CHD7: variants seen among roughly 807,000 people sequenced by gnomAD.
CHD7 encodes the protein ATP-dependent chromatin remodeler CHD7.
Under a neutral mutation model 307.3 loss-of-function variants are expected in CHD7, and 24 were observed. That is an observed-to-expected ratio of 0.08 (90% CI 0.06 to 0.11). The LOEUF is 0.11. Ranked by LOEUF, CHD7 falls within the 10% of genes least tolerant of loss-of-function variation. The probability of loss-of-function intolerance (pLI) is 1.00; values close to 1 mark genes in which losing one functional copy is unlikely to be tolerated. For synonymous variants in CHD7, 1,363 were observed against 1,349.9 expected (o/e 1.01, Z -0.21); for missense variants, 3,106 against 3,727.1 (o/e 0.83, Z 4.34).
intron 2 of CHD7, among the ~76,000 whole-genome samples, chr8:60,778,162 GT>G (rs1811043809): frequency 6.6e-6 from 1 of 152,056 alleles, no homozygotes; most frequent in Admixed American, 6.5e-5. Context: ...GGAGCTCCAG[GT>G]TTTTTTCCCC....
At chr8:60,794,063 A>G (rs547014801) in intron 3 of CHD7, among the ~76,000 whole-genome samples, 1 of 152,282 alleles carries the variant, frequency 6.6e-6, no homozygotes, top group Admixed American at 6.5e-5. Context: ...CGGAGGTTGC[A>G]GTGAGCCAAG....
chr8:60,837,381 C>G (rs1188096547), intron 17 of CHD7, among the ~76,000 whole-genome samples: 1 of 152,138 alleles, frequency 6.6e-6, no homozygotes, highest in Admixed American at 6.5e-5. Context: ...AGTCCAAAAT[C>G]AGAGTGCCAG....
In CHD7 at chr8:60,721,759, C is replaced by T. The variant is rs548253666; in HGVS notation, c.-174-19500C>T. 1.3e-4 allele frequency among the ~76,000 whole-genome samples: 20 copies of T among 152,306 alleles called. 1 individual carries two copies. The highest frequency in any genetic ancestry group is 6.5e-5 in the Admixed American group (1 of 15,298). ...AGAACCACTGGTTTAGATGGTGTGT[C>T]GGAGAGGCTTCAGGCAAGCGCTGGG... is the stretch of plus-strand genomic sequence containing the variant. On this transcript the variant is annotated intron_variant, in intron 1 of 37. Coordinates refer to ENST00000423902, the MANE Select transcript of CHD7 (RefSeq NM_017780.4).
intron 2 of CHD7, among the ~76,000 whole-genome samples, chr8:60,770,601 T>C (rs1563585604): frequency 6.6e-6 from 1 of 152,240 alleles, no homozygotes; most frequent in Non-Finnish European, 1.5e-5. Context: ...ATCAGGAACC[T>C]TTAATATTGC....
At chr8:60,703,459 G>A (rs1806868323) in intron 1 of CHD7, among the ~76,000 whole-genome samples, 1 of 152,142 alleles carries the variant, frequency 6.6e-6, no homozygotes, top group Admixed American at 6.5e-5. Context: ...GATAGGAAAT[G>A]AGAGAAGAAA....
intron 2 of CHD7, among the ~76,000 whole-genome samples, chr8:60,758,749 A>G (rs1256652677): frequency 6.6e-6 from 1 of 152,072 alleles, no homozygotes; most frequent in Non-Finnish European, 1.5e-5. Context: ...CAGTTGCGCG[A>G]GCGCTCTTCT....
intron 1 of CHD7, among the ~76,000 whole-genome samples, chr8:60,687,098 ATCTG>A (rs1223701695): frequency 6.6e-6 from 1 of 152,190 alleles, no homozygotes; most frequent in Non-Finnish European, 1.5e-5. Flanking sequence ...CATTTTAGAA[ATCTG>A]TCTGTTGATA....
At chr8:60,862,493 C>T in intron 36 of CHD7, 55 bp from the exon 37 acceptor site, 1 of 1,506,414 alleles carries the variant, frequency 6.6e-7, no homozygotes, top group Non-Finnish European at 9.0e-7. Flanking sequence ...AGTAGATTAA[C>T]AGAAAGGGGA....
At chr8:60,843,409 A>G (rs1015935969) in intron 21 of CHD7, among the ~76,000 whole-genome samples, 2 of 152,228 alleles carry the variant, frequency 1.3e-5, no homozygotes, top group South Asian at 4.1e-4. Context: ...GAACACATAA[A>G]TAACTCCTAC....
chr8:60,820,980 T>G (rs535116962), intron 9 of CHD7, among the ~76,000 whole-genome samples: 4 of 152,356 alleles, frequency 2.6e-5, no homozygotes, highest in Admixed American at 2.6e-4. Flanking sequence ...CAAACCCAAG[T>G]GTTTTCTAGA....
intron 31 of CHD7, 101 bp downstream of exon 31, chr8:60,853,601 T>C: frequency 1.1e-6 from 1 of 903,326 alleles, no homozygotes; most frequent in Non-Finnish European, 1.6e-6. Context: ...CACGAGTACT[T>C]AGTGTACATT....
intron 3 of CHD7, among the ~76,000 whole-genome samples, chr8:60,785,266 CTTAAG>C (rs980165644): frequency 2.0e-5 from 3 of 152,206 alleles, no homozygotes; most frequent in South Asian, 2.1e-4. Flanking sequence ...ACTACTGAAG[CTTAAG>C]TTAAGTAGAA....
chr8:60,831,511 A>G (rs1191918510), intron 15 of CHD7, among the ~76,000 whole-genome samples: 1 of 152,052 alleles, frequency 6.6e-6, no homozygotes. Flanking sequence ...AGGCTAGTGC[A>G]TGGAACCTCC....
At chr8:60,752,183 A>T (rs1371496167) in intron 2 of CHD7, among the ~76,000 whole-genome samples, 1 of 152,198 alleles carries the variant, frequency 6.6e-6, no homozygotes, top group East Asian at 1.9e-4. Context: ...ACTGTGTGAA[A>T]GCAAAAAAAC....
At chr8:60,776,822 T>A (rs1046676828) in intron 2 of CHD7, among the ~76,000 whole-genome samples, 14 of 151,998 alleles carry the variant, frequency 9.2e-5, no homozygotes, top group Admixed American at 9.2e-4. Context: ...TTTTGAAGAG[T>A]GTAGAGGGGT....
chr8:60,832,085 G>A (rs1052954734), intron 15 of CHD7, among the ~76,000 whole-genome samples: 1 of 152,014 alleles, frequency 6.6e-6, no homozygotes, highest in South Asian at 2.1e-4. Context: ...GCGGTGGCAC[G>A]ATCTCGGCTC....
chr8:60,680,386 C>A (rs1805546768), intron 1 of CHD7, among the ~76,000 whole-genome samples: 1 of 60,368 alleles, frequency 1.7e-5, no homozygotes, highest in Admixed American at 2.3e-4. Flanking sequence ...CGGCGCGGGG[C>A]TGTCGAGGTC....
At chr8:60,679,542 G>C (rs1484751353) in intron 1 of CHD7, 1 of 147,924 alleles carries the variant, frequency 6.8e-6, no homozygotes, top group Non-Finnish European at 1.5e-5. Context: ...CTCCATTCGA[G>C]AGAAAAAGGA....
At position 60,865,292 on chromosome 8, in the gene CHD7, G is replaced by A. The variant is rs935815422; in HGVS notation, c.8353G>A (p.Ala2785Thr). The change falls in exon 38 of 38, where the codon GCC (alanine) becomes ACC (threonine). Residue 2785 changes from alanine (A) to threonine (T), a missense_variant. Ala to Thr is a moderately conservative substitution (Grantham distance 58). Transcript: ENST00000423902. This position sits in a 1 kb window ranked among gnomAD's most constrained non-coding sequence, Gnocchi z 4.3. ...FPPGLATAAT[A>T]GGDAKNPAAV... ...TCCAGGACTGGCAACAGCTGCCACC[G>A]CCGGAGGCGATGCGAAGAACCCTGC... 1.5e-5 allele frequency: 24 copies of A among 1,609,354 alleles called. No homozygotes were observed. Among genetic ancestry groups the A allele is most frequent in the Non-Finnish European group, 1.9e-5 (22 of 1,178,120 alleles).
Sources: allele counts gnomAD v4.1 joint callset (sites outside exome capture counted in the v4.1 genomes callset), GRCh38; gene constraint gnomAD v4.1.1; non-coding constraint Gnocchi (gnomAD v3.1); transcripts MANE v1.5; gene names NCBI Gene and HGNC (gene_info 2026-07-23, HGNC 2026-07-21).